Variants in B3GALNT2 observed in about 807,000 individuals in gnomAD.
B3GALNT2 encodes the protein beta-1,3-N-acetylgalactosaminyltransferase 2.
Under a neutral mutation model 61.1 loss-of-function variants are expected in B3GALNT2, and 53 were observed. That is an observed-to-expected ratio of 0.87 (90% CI 0.70 to 1.09). The LOEUF is 1.09. Ranked by LOEUF, B3GALNT2 falls within the 50% of genes least tolerant of loss-of-function variation. The pLI is 0.00. For synonymous variants in B3GALNT2, 223 were observed against 237.4 expected (o/e 0.94, Z 0.56); for missense variants, 544 against 623.0 (o/e 0.87, Z 1.35).
Position 235,449,961 on chromosome 1 carries a change from T to G in B3GALNT2, c.*245A>C. Reference sequence around the variant, plus strand: ...ATATTTTTTCTTTTATAAAATAACTTGGTATTTTTCTGATAATCTTCCAAT... The same window carrying G: ...ATATTTTTTCTTTTATAAAATAACTGGGTATTTTTCTGATAATCTTCCAAT... On this transcript the variant is annotated 3_prime_UTR_variant, in exon 12 of 12. Coordinates refer to ENST00000366600, the MANE Select transcript of B3GALNT2 (RefSeq NM_152490.5). The G allele has an allele frequency of 2.9e-6, 1 of 341,756 alleles. No homozygotes were observed. The highest frequency in any genetic ancestry group is 5.3e-6 in the Non-Finnish European group (1 of 189,270). The allele number at this position is 341,756 out of a possible 1,614,324, so 21.2% of individuals were successfully genotyped here.
At chr1:235,443,304 C>G (rs1682029617), downstream of B3GALNT2, among the ~76,000 whole-genome samples, 1 of 152,102 alleles carries the variant, frequency 6.6e-6, no homozygotes, top group African/African-American at 2.4e-5. Flanking sequence ...TGGGCCCAAG[C>G]AATTCTCCAG....
chr1:235,489,032 A>C, intron 3 of B3GALNT2, 136 bp downstream of exon 3: 2 of 1,197,996 alleles, frequency 1.7e-6, no homozygotes, highest in Non-Finnish European at 2.2e-6. Context: ...CCTAGGCGAC[A>C]GAGCAAGACC....
intron 7 of B3GALNT2, among the ~76,000 whole-genome samples, chr1:235,459,786 C>T (rs1485094870): frequency 6.6e-6 from 1 of 152,014 alleles, no homozygotes; most frequent in Non-Finnish European, 1.5e-5. Flanking sequence ...ACTGTACCTA[C>T]AATGTTTTCT....
chr1:235,455,713 A>C (rs1683136302), intron 8 of B3GALNT2, 29 bp from the exon 9 acceptor site: 1 of 1,594,122 alleles, frequency 6.3e-7, no homozygotes, highest in Non-Finnish European at 8.6e-7. Context: ...TAAGAAAGTC[A>C]GTGCGACCAA....
Position 235,489,174 on chromosome 1 carries a change from T to C in B3GALNT2, c.355A>G (p.Asn119Asp). 6.2e-7 allele frequency: 1 copy of C among 1,613,686 alleles called. No homozygotes were observed. Among genetic ancestry groups the C allele is most frequent in the Middle Eastern group, 1.7e-4 (1 of 6,060 alleles). Reference sequence around the variant, plus strand: ...AAGGGAAAAGATGACTTACCTGGATTTGTGATGTTGAGTAGTTTACAGGAA... The same window carrying C: ...AAGGGAAAAGATGACTTACCTGGATCTGTGATGTTGAGTAGTTTACAGGAA... ...PYSCKLLNIT[N>D]PVLNQEIEAF... The change falls in exon 3 of 12, where the codon AAT (asparagine) becomes GAT (aspartate). Residue 119 changes from asparagine (N) to aspartate (D), a missense_variant. Physicochemically the swap from Asn to Asp is conservative, Grantham distance 23. Coordinates refer to ENST00000366600, the MANE Select transcript of B3GALNT2 (RefSeq NM_152490.5).
At chr1:235,491,421 T>G (rs1217690575) in intron 2 of B3GALNT2, among the ~76,000 whole-genome samples, 1 of 152,186 alleles carries the variant, frequency 6.6e-6, no homozygotes, top group East Asian at 1.9e-4. Flanking sequence ...TCAATAAAAT[T>G]TATAATAAAC....
the B3GALNT2 span, among the ~76,000 whole-genome samples, chr1:235,440,040 C>A: frequency 4.6e-5 from 7 of 151,652 alleles, no homozygotes. Flanking sequence ...CCGCGATCTC[C>A]GCTCACTGCA....
intron 7 of B3GALNT2, among the ~76,000 whole-genome samples, chr1:235,460,995 CCTA>C (rs533269635): frequency 1.2e-3 from 184 of 152,306 alleles, no homozygotes; most frequent in Non-Finnish European, 2.1e-3. Context: ...GTCCCCAGAT[CCTA>C]CTGATTTAAG....
In B3GALNT2 at chr1:235,467,953, T is replaced by A. The variant is rs551734689; in HGVS notation, c.763-2239A>T. ...AGCCATCACGCCTGGCTAATTTTTA[T>A]ATTTTTAGTAGAGACGGGGTTTCAC... On this transcript the variant is annotated intron_variant, in intron 6 of 11. Transcript: ENST00000366600. Among the ~76,000 whole-genome samples, 566 of 151,902 alleles carry A rather than the reference T, an allele frequency of 3.7e-3. 4 individuals carry two copies. Among genetic ancestry groups the A allele is most frequent in the African/African-American group, 0.013 (543 of 41,410 alleles).
intron 11 of B3GALNT2, chr1:235,452,348 C>G (rs559486669): frequency 1.3e-5 from 2 of 152,000 alleles, no homozygotes; most frequent in African/African-American, 4.8e-5. Context: ...GGCAGGGGAA[C>G]GTTGATTTAT....
In B3GALNT2 at chr1:235,465,695, G is replaced by A. The variant is rs746417418; in HGVS notation, c.782C>T (p.Pro261Leu). 4 of 1,613,904 alleles carry A rather than the reference G, an allele frequency of 2.5e-6. No homozygotes were observed. The highest frequency in any genetic ancestry group is 2.5e-6 in the Non-Finnish European group (3 of 1,179,978). Reference protein sequence around the residue: ...RVITAGEGALPHEFLEGVEGV... With the variant: ...RVITAGEGALLHEFLEGVEGV... Reference sequence around the variant, plus strand: ...CTCCACACCTTCCAAGAATTCATGAGGCAATGCACCCTCCCCAGCCTGAAA... The same window carrying A: ...CTCCACACCTTCCAAGAATTCATGAAGCAATGCACCCTCCCCAGCCTGAAA... Residue 261 changes from proline to leucine, a missense_variant, in exon 7 of 12, where the codon CCT (proline) becomes CTT (leucine). Transcript: ENST00000366600.
intron 7 of B3GALNT2, among the ~76,000 whole-genome samples, chr1:235,461,030 G>A (rs996994731): frequency 1.1e-4 from 16 of 152,188 alleles, no homozygotes; most frequent in African/African-American, 3.6e-4. Flanking sequence ...GCTGTGGCAG[G>A]AGACGTCAGG....
intron 6 of B3GALNT2, among the ~76,000 whole-genome samples, chr1:235,468,557 A>G (rs1400362422): frequency 6.7e-6 from 1 of 148,164 alleles, no homozygotes; most frequent in Non-Finnish European, 1.5e-5. Context: ...GGTTCAAGCA[A>G]TTCTCCTGCC....
Position 235,449,693 on chromosome 1 carries a change from A to AACCCCAAACTTTGGTATAAGTGACC in B3GALNT2, c.*488_*512dup, listed in dbSNP as rs1682773407. 6.6e-6 allele frequency: 1 copy of AACCCCAAACTTTGGTATAAGTGACC among 152,544 alleles called. No individual in the cohort carries two copies. Among genetic ancestry groups the AACCCCAAACTTTGGTATAAGTGACC allele is most frequent in the South Asian group, 2.1e-4 (1 of 4,846 alleles). 9.4% of individuals were successfully genotyped at this position (152,544 alleles called of 1,614,324 possible). On this transcript the variant is annotated 3_prime_UTR_variant, in exon 12 of 12. Transcript: ENST00000366600. ...CACAAAATCTGACATTATTTCCAGA[A>AACCCCAAACTTTGGTATAAGTGACC]ACCCCAAACTTTGGTATAAGTGACC...
rs183635034 is a variant in B3GALNT2, at chr1:235,486,522, C to G, written c.362-2007G>C. On this transcript the variant is annotated intron_variant, in intron 3 of 11. Transcript: ENST00000366600. ...TACAGTGCTATTAAACCTTCTACCA[C>G]AGCCACAGTATCACGATGATTAATG... Among the ~76,000 whole-genome samples the G allele has an allele frequency of 4.3e-4, 65 of 152,314 alleles. 1 individual carries two copies. Among genetic ancestry groups the G allele is most frequent in the Admixed American group, 9.8e-4 (15 of 15,302 alleles).
chr1:235,474,971 ATATATATATATATATATTTTTTTTTT>A (rs1283526917), intron 5 of B3GALNT2, among the ~76,000 whole-genome samples: 420 of 30,098 alleles, frequency 0.014, 26 homozygotes, highest in Non-Finnish European at 0.018. Flanking sequence ...ATATATATAT[ATATATATATATATATATTTTTTTTTT>A]TTTTTTTTTT....
intron 4 of B3GALNT2, among the ~76,000 whole-genome samples, chr1:235,482,698 T>C (rs1014181579): frequency 6.6e-6 from 1 of 151,722 alleles, no homozygotes; most frequent in Non-Finnish European, 1.5e-5. Flanking sequence ...AATGCATGAG[T>C]AGCATGTAGT....
chr1:235,502,065 T>A (rs1685604771), intron 1 of B3GALNT2, among the ~76,000 whole-genome samples: 1 of 152,300 alleles, frequency 6.6e-6, no homozygotes, highest in South Asian at 2.1e-4. Flanking sequence ...CAGGCTGGAG[T>A]GCAGTGGCGC....
intron 2 of B3GALNT2, among the ~76,000 whole-genome samples, chr1:235,492,399 G>A (rs1464310797): frequency 1.3e-5 from 2 of 152,134 alleles, no homozygotes; most frequent in East Asian, 3.8e-4. Context: ...ACAGATAGCT[G>A]ATCATTCTCA....
Sources: gnomAD v4.1 joint callset for allele counts (sites outside exome capture counted in the v4.1 genomes callset) on GRCh38, gnomAD v4.1.1 for gene constraint, MANE v1.5 for transcripts, NCBI Gene and HGNC (gene_info 2026-07-23, HGNC 2026-07-21) for gene names.